KIAA0825: variants seen among roughly 807,000 people sequenced by gnomAD.
KIAA0825 encodes the protein KIAA0825, also known as uncharacterized protein KIAA0825.
Under a neutral mutation model 147.6 loss-of-function variants are expected in KIAA0825, and 119 were observed. The ratio of observed to expected loss-of-function variants is 0.81; its 90% CI spans 0.69 to 0.94. The LOEUF (loss-of-function observed/expected upper bound fraction) is 0.94. KIAA0825 is among the 40% of genes least tolerant of loss of function. The pLI, the probability that KIAA0825 is intolerant of heterozygous loss-of-function variation, is 0.00. For synonymous variants in KIAA0825, 470 were observed against 518.1 expected, an observed-to-expected ratio of 0.91 and a Z score of 1.26; for missense variants, 1,381 against 1,472.7, an observed-to-expected ratio of 0.94 and a Z score of 1.02.
intron 20 of KIAA0825, among the ~76,000 whole-genome samples, chr5:94,259,578 A>G (rs1776398247): frequency 6.6e-6 from 1 of 152,014 alleles, no homozygotes; most frequent in African/African-American, 2.4e-5. Context: ...AGTAAACTGG[A>G]GACTCAATGT....
intron 20 of KIAA0825, among the ~76,000 whole-genome samples, chr5:94,363,688 C>G (rs1319980831): frequency 1.3e-5 from 2 of 151,926 alleles, no homozygotes; most frequent in African/African-American, 4.8e-5. Context: ...ATGCAAGAAC[C>G]CATCTCTACA....
At chr5:94,368,921 A>G (rs967772558) in intron 20 of KIAA0825, among the ~76,000 whole-genome samples, 1 of 152,156 alleles carries the variant, frequency 6.6e-6, no homozygotes, top group African/African-American at 2.4e-5. Context: ...TAATCTCAGC[A>G]CTTTGGGAGG....
intron 20 of KIAA0825, among the ~76,000 whole-genome samples, chr5:94,168,305 C>T (rs1398346903): frequency 6.6e-6 from 1 of 152,082 alleles, no homozygotes; most frequent in African/African-American, 2.4e-5. Context: ...ATTTCTTGAG[C>T]TACTACTAAT....
chr5:94,367,855 C>T (rs1419206671), intron 20 of KIAA0825, among the ~76,000 whole-genome samples: 1 of 152,122 alleles, frequency 6.6e-6, no homozygotes, highest in East Asian at 1.9e-4. Flanking sequence ...AAAGTATCTG[C>T]GTATTCATGG....
rs568991592 is a variant in KIAA0825 at position 94,332,238 on chromosome 5, T to A, written c.3710+52130A>T. ...CTTTTCTTTTCTTTCTTTTTTTTTT[T>A]AAATTATACTTTAAGTTCTGGGATG... On this transcript the variant is annotated intron_variant, in intron 20 of 20. Coordinates refer to ENST00000682413, the MANE Select transcript of KIAA0825 (RefSeq NM_001145678.3). Among the ~76,000 whole-genome samples the A allele has an allele frequency of 2.1e-3, 316 of 151,470 alleles. 2 individuals are homozygous for A. The highest frequency in any genetic ancestry group is 2.3e-3 in the Non-Finnish European group (159 of 67,834).
chr5:94,569,354 A>T (rs1214471399), intron 2 of KIAA0825: 6 of 370,208 alleles, frequency 1.6e-5, no homozygotes, highest in Non-Finnish European at 3.0e-5. Flanking sequence ...GATACACCCA[A>T]CCACACCACT....
At chr5:94,341,826 A>G (rs1006640761) in intron 20 of KIAA0825, among the ~76,000 whole-genome samples, 2 of 152,174 alleles carry the variant, frequency 1.3e-5, no homozygotes, top group Non-Finnish European at 2.9e-5. Flanking sequence ...ATAATCTGGA[A>G]TAATGGGGCA....
At chr5:94,230,934 C>A (rs1179254639) in intron 20 of KIAA0825, among the ~76,000 whole-genome samples, 1 of 152,064 alleles carries the variant, frequency 6.6e-6, no homozygotes, top group Non-Finnish European at 1.5e-5. Context: ...ATTGTTGTAG[C>A]CTCCAAATAG....
chr5:94,496,983 G>A (rs930198448), intron 5 of KIAA0825, among the ~76,000 whole-genome samples: 3 of 151,962 alleles, frequency 2.0e-5, no homozygotes, highest in East Asian at 1.9e-4. Flanking sequence ...TCTCTTCTTC[G>A]GCCTCTTGAA....
At chr5:94,444,749 T>C (rs187344342) in intron 13 of KIAA0825, among the ~76,000 whole-genome samples, 2 of 152,066 alleles carry the variant, frequency 1.3e-5, no homozygotes, top group African/African-American at 4.8e-5. Flanking sequence ...GAATAAATTG[T>C]AACCAGCTAT....
intron 2 of KIAA0825, chr5:94,569,383 C>T (rs1779419623): frequency 5.2e-6 from 2 of 385,058 alleles, no homozygotes; most frequent in Admixed American, 4.6e-5. Context: ...ACACTAAGCC[C>T]CCATAAATAG....
intron 20 of KIAA0825, among the ~76,000 whole-genome samples, chr5:94,323,066 A>G (rs887374489): frequency 4.6e-5 from 7 of 151,896 alleles, no homozygotes; most frequent in Non-Finnish European, 1.0e-4. Context: ...AAACAAAACT[A>G]AGGCCTATTT....
chr5:94,568,118 T>G (rs932203296), intron 2 of KIAA0825: 1 of 162,862 alleles, frequency 6.1e-6, no homozygotes, highest in African/African-American at 2.4e-5. Context: ...CCTACACATC[T>G]GTACCCATGC....
At chr5:94,301,585 A>G (rs1778406394) in intron 20 of KIAA0825, among the ~76,000 whole-genome samples, 2 of 152,056 alleles carry the variant, frequency 1.3e-5, no homozygotes, top group South Asian at 4.1e-4. Context: ...AAAACAGAAA[A>G]CATTGTGAAA....
intron 5 of KIAA0825, among the ~76,000 whole-genome samples, chr5:94,500,369 G>C (rs1414827387): frequency 6.6e-6 from 1 of 152,162 alleles, no homozygotes; most frequent in Non-Finnish European, 1.5e-5. Flanking sequence ...ATTAGGCCTT[G>C]ATGGCAGAAA....
At chr5:94,596,827 T>G (rs1008153237) in intron 1 of KIAA0825, among the ~76,000 whole-genome samples, 3 of 152,300 alleles carry the variant, frequency 2.0e-5, no homozygotes, top group Admixed American at 6.5e-5. Flanking sequence ...TATTTTATTA[T>G]TTTTGTGGCA....
intron 20 of KIAA0825, among the ~76,000 whole-genome samples, chr5:94,306,212 TCA>T (rs1778723016): frequency 6.6e-6 from 1 of 151,874 alleles, no homozygotes; most frequent in African/African-American, 2.4e-5. Flanking sequence ...AAATCTAATT[TCA>T]GAGTTTATTT....
chr5:94,486,982 C>T (rs1489933615), intron 5 of KIAA0825, among the ~76,000 whole-genome samples: 1 of 152,108 alleles, frequency 6.6e-6, no homozygotes, highest in African/African-American at 2.4e-5. Context: ...TTATCTGGCT[C>T]AATTCCAAAT....
At chr5:94,353,395 T>C (rs1419407503) in intron 20 of KIAA0825, among the ~76,000 whole-genome samples, 1 of 152,210 alleles carries the variant, frequency 6.6e-6, no homozygotes, top group Admixed American at 6.5e-5. Flanking sequence ...CCAGTAGAAT[T>C]CATGATACCT....
Sources: allele counts gnomAD v4.1 joint callset (sites outside exome capture counted in the v4.1 genomes callset), GRCh38; gene constraint gnomAD v4.1.1; transcripts MANE v1.5; gene names NCBI Gene and HGNC (gene_info 2026-07-23, HGNC 2026-07-21).